SH3PXD2A: variants seen among roughly 807,000 people sequenced by gnomAD.
SH3PXD2A encodes the protein SH3 and PX domains 2A, also known as SH3 and PX domain-containing protein 2A.
In SH3PXD2A, 32 loss-of-function variants were observed where a neutral mutation model predicts 115.2. The ratio of observed to expected loss-of-function variants is 0.28; its 90% confidence interval spans 0.21 to 0.37. SH3PXD2A has a LOEUF of 0.37. Ranked by LOEUF, SH3PXD2A falls within the 10% of genes least tolerant of loss-of-function variation. The pLI is 1.00. For synonymous variants in SH3PXD2A, 610 were observed against 629.1 expected (o/e 0.97, Z 0.45); for missense variants, 1,328 against 1,498.7 (o/e 0.89, Z 1.88).
At chr10:103,708,911 C>T (rs1326253277) in intron 5 of SH3PXD2A, among the ~76,000 whole-genome samples, 4 of 152,090 alleles carry the variant, frequency 2.6e-5, no homozygotes, top group Non-Finnish European at 5.9e-5. Context: ...CACTGCAGTT[C>T]TCCAGGGGTC....
chr10:103,740,285 A>G (rs951215844), intron 3 of SH3PXD2A, among the ~76,000 whole-genome samples: 4 of 152,132 alleles, frequency 2.6e-5, no homozygotes, highest in African/African-American at 4.8e-5. Context: ...TGGGATTTCA[A>G]CCTGGGGTTT....
chr10:103,765,148 T>C (rs2038740586), intron 3 of SH3PXD2A, among the ~76,000 whole-genome samples: 1 of 152,198 alleles, frequency 6.6e-6, no homozygotes, highest in Admixed American at 6.5e-5. Flanking sequence ...CTTCTCTGTA[T>C]TGGTAATCAG....
chr10:103,656,828 C>T (rs1055311227), intron 8 of SH3PXD2A, among the ~76,000 whole-genome samples: 6 of 111,860 alleles, frequency 5.4e-5, no homozygotes, highest in African/African-American at 2.0e-4. Flanking sequence ...AACTCCATCT[C>T]AAAAAAAAAA....
At chr10:103,758,329 A>C (rs1339855262) in intron 3 of SH3PXD2A, among the ~76,000 whole-genome samples, 1 of 152,144 alleles carries the variant, frequency 6.6e-6, no homozygotes, top group Non-Finnish European at 1.5e-5. Context: ...TGATGATCCA[A>C]ACCTACTCAG....
At chr10:103,778,815 T>C (rs1422621746) in intron 2 of SH3PXD2A, among the ~76,000 whole-genome samples, 1 of 152,222 alleles carries the variant, frequency 6.6e-6, no homozygotes, top group Non-Finnish European at 1.5e-5. Context: ...TTTGGGTTTT[T>C]CACCTATAAT....
At chr10:103,753,495 CAAAAAAAAAAAA>C (rs58148179) in intron 3 of SH3PXD2A, among the ~76,000 whole-genome samples, 1 of 65,444 alleles carries the variant, frequency 1.5e-5, no homozygotes, top group Middle Eastern at 7.8e-3. Flanking sequence ...GACCCCATCT[CAAAAAAAAAAAA>C]AAAAAAAAAA....
At chr10:103,653,677 C>T (rs903236038) in intron 8 of SH3PXD2A, among the ~76,000 whole-genome samples, 3 of 152,162 alleles carry the variant, frequency 2.0e-5, no homozygotes, top group Admixed American at 6.5e-5. Context: ...CACCTGCCTG[C>T]CTGGCAGCTG....
intron 1 of SH3PXD2A, among the ~76,000 whole-genome samples, chr10:103,851,798 A>C (rs553938219): frequency 2.6e-5 from 4 of 152,340 alleles, no homozygotes; most frequent in African/African-American, 9.6e-5. Context: ...GGATCAGAAC[A>C]TTCATGATTG....
chr10:103,815,888 CAA>C (rs749050851), intron 1 of SH3PXD2A, among the ~76,000 whole-genome samples: 8 of 110,030 alleles, frequency 7.3e-5, no homozygotes, highest in Admixed American at 9.8e-5. Context: ...GACTCCATCT[CAA>C]AAAAAAAAAA....
chr10:103,720,907 G>C lies in SH3PXD2A; in HGVS notation c.398+3363C>G, dbSNP rs528823251. Among the ~76,000 whole-genome samples, 16 of 152,324 alleles carry C rather than the reference G, an allele frequency of 1.1e-4. No homozygotes were observed. The South Asian group carries it at 2.3e-3, about 22-fold the overall frequency. Reference sequence around the variant, plus strand: ...GCAGAGACAGGGCCGGGCCCGGGGAGGGGGAGCCCCTCAGAACTGCCTGGC... The same window carrying C: ...GCAGAGACAGGGCCGGGCCCGGGGACGGGGAGCCCCTCAGAACTGCCTGGC... On this transcript the variant is annotated intron_variant, in intron 5 of 14. Transcript: ENST00000369774.
intron 6 of SH3PXD2A, among the ~76,000 whole-genome samples, chr10:103,675,777 T>C (rs1041816665): frequency 8.5e-5 from 13 of 152,204 alleles, no homozygotes; most frequent in Admixed American, 5.9e-4. Context: ...GTGCGGTGGC[T>C]CACGCCTGTA....
chr10:103,676,623 T>G (rs1359306455), intron 6 of SH3PXD2A, among the ~76,000 whole-genome samples: 2 of 152,060 alleles, frequency 1.3e-5, no homozygotes. Context: ...AGATAGGTGC[T>G]GGGTTAGTGA....
intron 12 of SH3PXD2A, 48 bp downstream of exon 12, chr10:103,612,805 C>A: frequency 7.2e-7 from 1 of 1,389,136 alleles, no homozygotes; most frequent in Non-Finnish European, 9.8e-7. Context: ...CATGCCCATT[C>A]TCTAAGGAGC....
chr10:103,668,493 C>A, intron 7 of SH3PXD2A, 115 bp downstream of exon 7: 2 of 927,966 alleles, frequency 2.2e-6, no homozygotes, highest in Non-Finnish European at 1.7e-6. Context: ...GCCATGCTGG[C>A]AAACAGCTGC....
chr10:103,707,934 T>C (rs2038000638), intron 5 of SH3PXD2A, among the ~76,000 whole-genome samples: 1 of 152,058 alleles, frequency 6.6e-6, no homozygotes, highest in Admixed American at 6.5e-5. Flanking sequence ...CTCCCTCTCC[T>C]TTTGCCTCCA....
intron 8 of SH3PXD2A, among the ~76,000 whole-genome samples, chr10:103,634,911 GA>G (rs2036841902): frequency 6.6e-6 from 1 of 152,130 alleles, no homozygotes; most frequent in Admixed American, 6.5e-5. Flanking sequence ...TTGTTGAGGG[GA>G]ATAAAGGAGA....
In SH3PXD2A at chr10:103,598,607, G is replaced by A. The variant is rs894174608; in HGVS notation, c.*3209C>T. On this transcript the variant is annotated 3_prime_UTR_variant, in exon 15 of 15. Coordinates refer to ENST00000369774, the MANE Select transcript of SH3PXD2A (RefSeq NM_001394015.1). ...ATGGGAAACTAGGTTTGGACACTGC[G>A]GAGATTTTGTTTTTCTTTTTCCTTT... 2 of 152,646 alleles carry A rather than the reference G, an allele frequency of 1.3e-5. No individual in the cohort carries two copies. Among genetic ancestry groups the A allele is most frequent in the African/African-American group, 4.8e-5 (2 of 41,448 alleles). The allele number at this position is 152,646 out of a possible 1,614,324, so 9.5% of individuals were successfully genotyped here.
chr10:103,603,937 C>T (rs2036260966), intron 14 of SH3PXD2A, 148 bp from the exon 15 acceptor site: 3 of 866,462 alleles, frequency 3.5e-6, no homozygotes, highest in Non-Finnish European at 5.0e-6. Flanking sequence ...TGGCCCAAAA[C>T]CCAATATAGT....
chr10:103,694,285 T>G (rs2863994), intron 5 of SH3PXD2A, among the ~76,000 whole-genome samples: 80,291 of 148,858 alleles, frequency 0.54, 21,993 homozygotes, highest in South Asian at 0.69. Flanking sequence ...GGGTTGGGGG[T>G]TTGGGGGGAT....
Sources: allele counts gnomAD v4.1 joint callset (sites outside exome capture counted in the v4.1 genomes callset), GRCh38; gene constraint gnomAD v4.1.1; transcripts MANE v1.5; gene names NCBI Gene and HGNC (gene_info 2026-07-23, HGNC 2026-07-21).